Variants in NKAIN3 observed in about 807,000 individuals in gnomAD.
NKAIN3 encodes the protein sodium/potassium transporting ATPase interacting 3.
Under a neutral mutation model 30.2 loss-of-function variants are expected in NKAIN3, and 25 were observed. That is an observed-to-expected ratio of 0.83 (90% CI 0.60 to 1.16). The LOEUF is 1.16. Ranked by LOEUF, NKAIN3 falls within the 50% of genes most tolerant of loss-of-function variation. NKAIN3 has a pLI of 0.00. For synonymous variants in NKAIN3, 91 were observed against 89.6 expected, an observed-to-expected ratio of 1.02 and a Z score of -0.09; for missense variants, 225 against 254.1, an observed-to-expected ratio of 0.89 and a Z score of 0.78.
At position 62,373,591 on chromosome 8, in the gene NKAIN3, G is replaced by T. The variant is rs897447378; in HGVS notation, c.54+124464G>T. On this transcript the variant is annotated intron_variant, in intron 1 of 6. Transcript: ENST00000623646. ...TTCAGATTTACAGTTTAGGTCTCAT[G>T]AAGATTTTTATAGTTGAAATAATGG... Among the ~76,000 whole-genome samples, 8 of 152,206 alleles carry T rather than the reference G, an allele frequency of 5.3e-5. No homozygotes were observed. The East Asian group carries it at 1.5e-3, about 29-fold the overall frequency.
At chr8:62,546,868 C>T (rs1272430215) in intron 1 of NKAIN3, among the ~76,000 whole-genome samples, 1 of 152,120 alleles carries the variant, frequency 6.6e-6, no homozygotes, top group Non-Finnish European at 1.5e-5. Context: ...GAAAGCAGCA[C>T]AGCTTTAAAT....
intron 3 of NKAIN3, among the ~76,000 whole-genome samples, chr8:62,643,975 T>A (rs978076583): frequency 7.9e-5 from 12 of 152,118 alleles, no homozygotes; most frequent in Admixed American, 2.0e-4. Flanking sequence ...TGGATTCTAT[T>A]AAAGGACACC....
chr8:62,620,886 G>A (rs571595736), intron 3 of NKAIN3, among the ~76,000 whole-genome samples: 2 of 151,434 alleles, frequency 1.3e-5, no homozygotes, highest in East Asian at 2.0e-4. Context: ...GCCTATAAAC[G>A]CCTGAAATTC....
chr8:62,478,209 ATAGT>A (rs1389335646), intron 1 of NKAIN3, among the ~76,000 whole-genome samples: 1 of 152,190 alleles, frequency 6.6e-6, no homozygotes, highest in Non-Finnish European at 1.5e-5. Flanking sequence ...AAACTGAGAC[ATAGT>A]TAATCAACTG....
chr8:62,273,896 A>G (rs973320713), intron 1 of NKAIN3, among the ~76,000 whole-genome samples: 5 of 152,186 alleles, frequency 3.3e-5, no homozygotes, highest in African/African-American at 1.2e-4. Context: ...TAACTGTGAT[A>G]TGTAAATCCC....
intron 4 of NKAIN3, among the ~76,000 whole-genome samples, chr8:62,861,512 C>T (rs1473472734): frequency 1.3e-5 from 2 of 152,304 alleles, no homozygotes; most frequent in East Asian, 3.9e-4. Context: ...CTTTTATCAT[C>T]ACTTCCAGCA....
intron 4 of NKAIN3, among the ~76,000 whole-genome samples, chr8:62,830,253 C>G (rs1586244945): frequency 6.6e-6 from 1 of 152,062 alleles, no homozygotes; most frequent in Non-Finnish European, 1.5e-5. Context: ...TTTCTATAGA[C>G]TTTTTGTAGC....
At chr8:62,265,663 C>G (rs1403284606) in intron 1 of NKAIN3, among the ~76,000 whole-genome samples, 1 of 152,154 alleles carries the variant, frequency 6.6e-6, no homozygotes, top group Non-Finnish European at 1.5e-5. Context: ...ATTTTTAACA[C>G]TCTGAAGTAG....
intron 4 of NKAIN3, among the ~76,000 whole-genome samples, chr8:62,890,829 C>T (rs1343759547): frequency 6.6e-6 from 1 of 152,236 alleles, no homozygotes; most frequent in Non-Finnish European, 1.5e-5. Context: ...TCCACCCTCT[C>T]ATCACCAAAG....
At chr8:62,842,525 G>A (rs930062709) in intron 4 of NKAIN3, among the ~76,000 whole-genome samples, 1 of 151,898 alleles carries the variant, frequency 6.6e-6, no homozygotes, top group African/African-American at 2.4e-5. Flanking sequence ...AAATTCTGTG[G>A]AACCACAATA....
rs114271985 is a variant in NKAIN3 at position 62,854,787 on chromosome 8, A to G, written c.472-63666A>G. 5.0e-3 allele frequency among the ~76,000 whole-genome samples: 767 copies of G among 152,290 alleles called. 3 individuals carry two copies. The highest frequency in any genetic ancestry group is 0.017 in the African/African-American group (718 of 41,556). ...AGACTAGTTTATGTGGTTACTTCAT[A>G]GTGTCACTAGTCTGTGCACTTCCAT... On this transcript the variant is annotated intron_variant, in intron 4 of 6. Transcript: ENST00000623646.
chr8:62,971,203 C>T lies in NKAIN3; in HGVS notation c.*5796C>T, dbSNP rs73683965. 0.019 allele frequency among the ~76,000 whole-genome samples: 2,932 copies of T among 152,248 alleles called. 87 individuals are homozygous for T. Among genetic ancestry groups the T allele is most frequent in the African/African-American group, 0.066 (2,729 of 41,538 alleles). On this transcript the variant is annotated 3_prime_UTR_variant, in exon 7 of 7. Transcript: ENST00000623646. ...GAAGGAACAAAAGGAATGTTTCTTT[C>T]CTTTAAGGATATGCCTCAGAAATAC...
chr8:62,663,437 G>A (rs1306277472), intron 3 of NKAIN3, among the ~76,000 whole-genome samples: 1 of 152,190 alleles, frequency 6.6e-6, no homozygotes, highest in Non-Finnish European at 1.5e-5. Flanking sequence ...ACAGCAGTAG[G>A]TTCGATTGAC....
chr8:62,360,655 G>A (rs1371698630), intron 1 of NKAIN3, among the ~76,000 whole-genome samples: 1 of 152,082 alleles, frequency 6.6e-6, no homozygotes, highest in South Asian at 2.1e-4. Context: ...TCAGAGTCGA[G>A]TTCAGGTCCT....
intron 1 of NKAIN3, among the ~76,000 whole-genome samples, chr8:62,260,133 T>C (rs1328220899): frequency 6.6e-6 from 1 of 152,110 alleles, no homozygotes; most frequent in Non-Finnish European, 1.5e-5. Context: ...GGGGTGACGA[T>C]AAGTCATAAA....
intron 1 of NKAIN3, among the ~76,000 whole-genome samples, chr8:62,505,463 G>T (rs1273757529): frequency 4.6e-5 from 7 of 152,146 alleles, no homozygotes. Flanking sequence ...AGGGGATATT[G>T]AGTGAAATAA....
intron 1 of NKAIN3, among the ~76,000 whole-genome samples, chr8:62,332,397 A>C (rs944332436): frequency 3.3e-5 from 5 of 152,146 alleles, no homozygotes; most frequent in African/African-American, 1.2e-4. Context: ...TCTAAATTTC[A>C]AATCTTTGAA....
At chr8:62,740,463 CA>C (rs893480438) in intron 3 of NKAIN3, among the ~76,000 whole-genome samples, 3 of 151,350 alleles carry the variant, frequency 2.0e-5, no homozygotes, top group Admixed American at 1.3e-4. Flanking sequence ...AGGAGAAAGG[CA>C]AAAAAATGAT....
chr8:62,643,111 G>A (rs1209022199), intron 3 of NKAIN3, among the ~76,000 whole-genome samples: 1 of 151,922 alleles, frequency 6.6e-6, no homozygotes, highest in African/African-American at 2.4e-5. Flanking sequence ...AGATAACTTG[G>A]CACCAGAATA....
Sources: allele counts gnomAD v4.1 joint callset (sites outside exome capture counted in the v4.1 genomes callset), GRCh38; gene constraint gnomAD v4.1.1; transcripts MANE v1.5; gene names NCBI Gene and HGNC (gene_info 2026-07-23, HGNC 2026-07-21).